The following ZNF142 variants were observed in gnomAD, a reference collection of about 807,000 sequenced individuals.
ZNF142 encodes the protein zinc finger protein 142, also known as zinc finger protein 142 (clone pHZ-49).
ZNF142 carries 96 observed loss-of-function variants against 132.1 expected under a neutral mutation model. That is an observed-to-expected ratio of 0.73 (90% CI 0.62 to 0.86). The LOEUF (loss-of-function observed/expected upper bound fraction) is 0.86. Among genes scored for constraint, ZNF142 ranks in the 40% least tolerant of loss-of-function variants. ZNF142 has a pLI of 0.00. For synonymous variants in ZNF142, 842 were observed against 890.1 expected (o/e 0.95, Z 0.96); for missense variants, 2,163 against 2,336.2 (o/e 0.93, Z 1.53).
Position 218,634,262 on chromosome 2 carries a change from C to A in ZNF142, c.*4077G>T. On this transcript the variant is annotated 3_prime_UTR_variant, in exon 11 of 11. Transcript: ENST00000411696. The surrounding 1 kb of genome is among the most constrained non-coding windows in gnomAD (Gnocchi z 4.0). ...GGACTGGGAAGAGGGAGTGGAGGAG[C>A]AGCAGGTGGGAAATAAGTTCTCTAG... The A allele has an allele frequency of 6.3e-7, 1 of 1,585,440 alleles. No individual in the cohort carries two copies. The highest frequency in any genetic ancestry group is 2.3e-5 in the East Asian group (1 of 43,542).
intron 2 of ZNF142, 28 bp downstream of exon 2, chr2:218,658,952 T>C (rs1288549977): frequency 2.6e-5 from 4 of 152,230 alleles, no homozygotes; most frequent in Non-Finnish European, 5.9e-5. Flanking sequence ...GCGACCCAGG[T>C]TCCCACCTGC....
rs770850743 is a variant in ZNF142, at chr2:218,651,740, A to C, written c.841T>G (p.Ser281Ala). 44 of 1,289,556 alleles carry C rather than the reference A, an allele frequency of 3.4e-5. No individual in the cohort carries two copies. Among genetic ancestry groups the C allele is most frequent in the Non-Finnish European group, 4.4e-5 (44 of 988,788 alleles). 79.9% of individuals were successfully genotyped at this position (1,289,556 alleles called of 1,614,324 possible). A position where few individuals can be genotyped will look rare whatever the true frequency, so the allele number is the denominator to read the frequency against. Residue 281 changes from serine to alanine, a missense_variant, in exon 5 of 11, where the codon TCT (serine) becomes GCT (alanine). Physicochemically the swap from Ser to Ala is moderately conservative, Grantham distance 99. This residue lies in a region of ZNF142 where 63 missense variants were observed against 104.1 expected (regional missense o/e 0.61). Coordinates refer to ENST00000411696, the MANE Select transcript of ZNF142 (RefSeq NM_001379659.1). Reference sequence around the variant, plus strand: ...TGGGATGGAAGGCCCTGAACGGCAGAAAGTTCTCCCTGTGTCCCAGCACCA... The same window carrying C: ...TGGGATGGAAGGCCCTGAACGGCAGCAAGTTCTCCCTGTGTCCCAGCACCA... ...SHGAGTQGELSAVQGLPSQEL... is the reference protein window; with the variant it reads ...SHGAGTQGELAAVQGLPSQEL...
In ZNF142 at chr2:218,633,832, A is replaced by C. The variant is rs1344712002; in HGVS notation, c.*4507T>G. The C allele has an allele frequency of 6.5e-7, 1 of 1,547,378 alleles. No individual in the cohort carries two copies. Among genetic ancestry groups the C allele is most frequent in the Non-Finnish European group, 8.8e-7 (1 of 1,130,850 alleles). ...GTTCAGGCCTGATGGACTGGCAGGT[A>C]AGTCCCAAGAAAAAAGACAAGGTAG... On this transcript the variant is annotated 3_prime_UTR_variant, in exon 11 of 11. Coordinates refer to ENST00000411696, the MANE Select transcript of ZNF142 (RefSeq NM_001379659.1).
intron 6 of ZNF142, among the ~76,000 whole-genome samples, chr2:218,650,037 C>T (rs1019398302): frequency 6.6e-6 from 1 of 152,190 alleles, no homozygotes; most frequent in African/African-American, 2.4e-5. Flanking sequence ...CAGTGCCAGA[C>T]AAAATAGGCT....
chr2:218,645,075 G>C lies in ZNF142; in HGVS notation c.2052-11C>G. Reference sequence around the variant, plus strand: ...TGGTTGCACTGATACCTGGCAAGGAGGGAAAGGGGGAGGCAATCACAATAA... The same window carrying C: ...TGGTTGCACTGATACCTGGCAAGGACGGAAAGGGGGAGGCAATCACAATAA... On this transcript the variant is annotated splice_polypyrimidine_tract_variant and intron_variant, in intron 8 of 10. Coordinates refer to ENST00000411696, the MANE Select transcript of ZNF142 (RefSeq NM_001379659.1). The C allele has an allele frequency of 1.9e-6, 3 of 1,602,774 alleles. No individual in the cohort carries two copies. The highest frequency in any genetic ancestry group is 2.6e-6 in the Non-Finnish European group (3 of 1,172,246).
rs773739458 is a variant in ZNF142 at position 218,643,658 on chromosome 2, T to G, written c.3458A>C (p.Glu1153Ala). ...ACCAGAGACTGTGGCAAGAGGCTCTTCTGTTTCTTCTGGCTCCCTGGGAAG... is the reference window on the plus strand; with the variant it reads ...ACCAGAGACTGTGGCAAGAGGCTCTGCTGTTTCTTCTGGCTCCCTGGGAAG... The part of the protein sequence containing the change: ...LELPREPEET[E>A]EPLATVSGSP... Residue 1153 changes from glutamate (E) to alanine (A), a missense_variant, in exon 9 of 11, where the codon GAA (glutamate) becomes GCA (alanine). Glu to Ala is a moderately radical substitution (Grantham distance 107, BLOSUM62 -1). Around this residue, in one of 7 missense-constraint regions of ZNF142, gnomAD observed 809 missense variants for 801.7 expected, o/e 1.01. Coordinates refer to ENST00000411696, the MANE Select transcript of ZNF142 (RefSeq NM_001379659.1). The G allele has an allele frequency of 2.6e-6, 4 of 1,549,388 alleles. No individual in the cohort carries two copies. The Admixed American group carries it at 8.2e-5, about 32-fold the overall frequency.
In ZNF142 at chr2:218,633,869, T is replaced by G; in HGVS notation, c.*4470A>C. 2 of 1,380,786 alleles carry G rather than the reference T, an allele frequency of 1.4e-6. No homozygotes were observed. The highest frequency in any genetic ancestry group is 1.4e-5 in the African/African-American group (1 of 69,964). 85.5% of individuals were successfully genotyped at this position (1,380,786 alleles called of 1,614,324 possible). On this transcript the variant is annotated 3_prime_UTR_variant, in exon 11 of 11. Transcript: ENST00000411696. ...AAAAGACAAGGTAGCTAAGGAGAGA[T>G]GAAGGAGTTCAGAAACTCCTTAGAG... is the stretch of plus-strand genomic sequence containing the variant.
At chr2:218,639,162 G>C (rs567415308) in intron 10 of ZNF142, among the ~76,000 whole-genome samples, 1 of 152,114 alleles carries the variant, frequency 6.6e-6, no homozygotes, top group East Asian at 1.9e-4. Flanking sequence ...GTGAAGACAG[G>C]GTTTCACCAT....
In ZNF142 at chr2:218,648,952, C is replaced by T. The variant is rs146514201; in HGVS notation, c.1556G>A (p.Arg519His). 11,276 of 1,612,700 alleles carry T rather than the reference C, an allele frequency of 7.0e-3. 59 individuals carry two copies. Among genetic ancestry groups the T allele is most frequent in the Non-Finnish European group, 8.2e-3 (9,719 of 1,180,018 alleles). The change falls in exon 7 of 11, where the codon CGC becomes CAC. Residue 519 changes from arginine to histidine, a missense_variant. Physicochemically the swap from Arg to His is conservative, Grantham distance 29. This residue lies in a region of ZNF142 where 749 missense variants were observed against 830.3 expected (regional missense o/e 0.90). Coordinates refer to ENST00000411696, the MANE Select transcript of ZNF142 (RefSeq NM_001379659.1). ...ETHGVRAVEC[R>H]HHSCPMLFAT... ...AAAGAGCATGGGACATGAGTGATGGCGGCACTCCACAGCCCGCACCCCATG... is the reference window on the plus strand; with the variant it reads ...AAAGAGCATGGGACATGAGTGATGGTGGCACTCCACAGCCCGCACCCCATG...
Position 218,638,674 on chromosome 2 carries a change from G to A in ZNF142, c.5329C>T (p.Arg1777Cys), listed in dbSNP as rs1340637856. Residue 1777 changes from arginine (R) to cysteine (C), a missense_variant, in exon 11 of 11, where the codon CGC becomes TGC. Coordinates refer to ENST00000411696, the MANE Select transcript of ZNF142 (RefSeq NM_001379659.1). ...CEQCGKAFKT[R>C]FLLRTHLRKH... ...CGAAGGTGGGTGCGCAGCAGGAAGC[G>A]CGTCTTGAAGGCCTTGCCACACTGC... is the stretch of plus-strand genomic sequence containing the variant. 3.2e-5 allele frequency: 52 copies of A among 1,614,090 alleles called. No homozygotes were observed. The highest frequency in any genetic ancestry group is 4.1e-5 in the Non-Finnish European group (48 of 1,180,042).
Position 218,635,776 on chromosome 2 carries a change from T to C in ZNF142, c.*2563A>G. ...CTGGGCTGAGCAGGAACTTGTGAGA[T>C]TCCAGAGCCCTGACTACAGGTGATC... is the stretch of plus-strand genomic sequence containing the variant. On this transcript the variant is annotated 3_prime_UTR_variant, in exon 11 of 11. Coordinates refer to ENST00000411696, the MANE Select transcript of ZNF142 (RefSeq NM_001379659.1). 6.2e-7 allele frequency: 1 copy of C among 1,607,856 alleles called. No individual in the cohort carries two copies. Among genetic ancestry groups the C allele is most frequent in the Non-Finnish European group, 8.5e-7 (1 of 1,177,178 alleles).
intron 4 of ZNF142, among the ~76,000 whole-genome samples, chr2:218,655,686 T>G (rs1421630568): frequency 6.6e-6 from 1 of 152,110 alleles, no homozygotes; most frequent in East Asian, 1.9e-4. Flanking sequence ...ATGCCTCGGA[T>G]GAGTAAAGTA....
intron 7 of ZNF142, among the ~76,000 whole-genome samples, 178 bp downstream of exon 7, chr2:218,648,457 A>G (rs1171870295): frequency 2.0e-5 from 3 of 152,266 alleles, no homozygotes; most frequent in Non-Finnish European, 2.9e-5. Flanking sequence ...TTCAAATCCT[A>G]GCTCTACTAC....
rs770325210 is a variant in ZNF142, at chr2:218,638,337, T to A, written c.*2A>T. 1 of 1,511,716 alleles carries A rather than the reference T, an allele frequency of 6.6e-7. No homozygotes were observed. Among genetic ancestry groups the A allele is most frequent in the Non-Finnish European group, 8.8e-7 (1 of 1,130,360 alleles). 93.6% of individuals were successfully genotyped at this position (1,511,716 alleles called of 1,614,324 possible). ...TTCCTATACAGGAGGTGGGGCAGGC[T>A]TTCAGCCCTCAGGTCCAGTGTGGGG... On this transcript the variant is annotated 3_prime_UTR_variant, in exon 11 of 11. Transcript: ENST00000411696.
chr2:218,656,382 C>A lies in ZNF142; in HGVS notation c.48G>T (p.Glu16Asp). The A allele has an allele frequency of 6.9e-7, 1 of 1,455,384 alleles. No homozygotes were observed. The highest frequency in any genetic ancestry group is 2.5e-5 in the East Asian group (1 of 39,754). 90.2% of individuals were successfully genotyped at this position (1,455,384 alleles called of 1,614,324 possible). A position where few individuals can be genotyped will look rare whatever the true frequency, so the allele number is the denominator to read the frequency against. Residue 16 changes from glutamate (E) to aspartate (D), a missense_variant, in exon 4 of 11, where the codon GAG becomes GAT. Glu to Asp is a conservative substitution (Grantham distance 45). This residue lies in a region of ZNF142 where 195 missense variants were observed against 172.4 expected (regional missense o/e 1.13). Coordinates refer to ENST00000411696, the MANE Select transcript of ZNF142 (RefSeq NM_001379659.1). Reference sequence around the variant, plus strand: ...ATAGCTCAGGGCACAGTCCATCCATCTCCCCGGTGCTACTGGCTGGCTGTG... The same window carrying A: ...ATAGCTCAGGGCACAGTCCATCCATATCCCCGGTGCTACTGGCTGGCTGTG... ...LDSQPASSTG[E>D]MDGLCPELLL...
rs755960222 is a variant in ZNF142 at position 218,638,320 on chromosome 2, CA to C, written c.*18del. The C allele has an allele frequency of 7.3e-6, 11 of 1,501,990 alleles. No homozygotes were observed. Among genetic ancestry groups the C allele is most frequent in the Non-Finnish European group, 8.9e-6 (10 of 1,125,468 alleles). 93.0% of individuals were successfully genotyped at this position (1,501,990 alleles called of 1,614,324 possible). A position where few individuals can be genotyped will look rare whatever the true frequency, so the allele number is the denominator to read the frequency against. ...TCTCAGACCATACCCTCTTCCTATA[CA>C]GGAGGTGGGGCAGGCTTTCAGCCCT... On this transcript the variant is annotated 3_prime_UTR_variant, in exon 11 of 11. Transcript: ENST00000411696.
rs1192385424 is a variant in ZNF142, at chr2:218,648,817, T to G, written c.1691A>C (p.Gln564Pro). Reference sequence around the variant, plus strand: ...CAGCTCTTCACTGCCAGGGTGGCCCTGCTTCTTGTGTTTACGGAATAGGTG... The same window carrying G: ...CAGCTCTTCACTGCCAGGGTGGCCCGGCTTCTTGTGTTTACGGAATAGGTG... ...NKHLFRKHKK[Q>P]GHPGSEELRC... The change falls in exon 7 of 11, where the codon CAG becomes CCG. Residue 564 changes from glutamine to proline, a missense_variant. Gln to Pro is a moderately conservative substitution (Grantham distance 76). Transcript: ENST00000411696. 2 of 1,614,202 alleles carry G rather than the reference T, an allele frequency of 1.2e-6. No individual in the cohort carries two copies. The highest frequency in any genetic ancestry group is 8.5e-7 in the Non-Finnish European group (1 of 1,180,004).
At chr2:218,651,181 C>T (rs1021945214) in intron 5 of ZNF142, among the ~76,000 whole-genome samples, 1 of 152,156 alleles carries the variant, frequency 6.6e-6, no homozygotes, top group African/African-American at 2.4e-5. Context: ...AGCATTTCAC[C>T]ACATTGCCCA....
At chr2:218,647,982 A>C (rs7599544) in intron 7 of ZNF142, among the ~76,000 whole-genome samples, 150,869 of 152,310 alleles carry the variant, frequency 0.99, 74,735 homozygotes, top group Middle Eastern at 1. Flanking sequence ...TTGTCCCAGG[A>C]TGCCTACAAT....
Sources: gnomAD v4.1 joint callset for allele counts (sites outside exome capture counted in the v4.1 genomes callset) on GRCh38, gnomAD v4.1.1 for gene constraint, gnomAD v4.1.1 regional missense constraint, Gnocchi (gnomAD v3.1) non-coding constraint, MANE v1.5 for transcripts, NCBI Gene and HGNC (gene_info 2026-07-23, HGNC 2026-07-21) for gene names.